C14orf39: variants seen among roughly 807,000 people sequenced by gnomAD.
C14orf39 encodes the protein chromosome 14 open reading frame 39, also known as protein SIX6OS1.
In C14orf39, 66 loss-of-function variants were observed where a neutral mutation model predicts 85.6. The observed-to-expected ratio is 0.77, with a 90% CI of 0.63 to 0.95. The LOEUF (loss-of-function observed/expected upper bound fraction) is 0.95. C14orf39 is among the 40% of genes least tolerant of loss of function. C14orf39 has a pLI of 0.00. For synonymous variants in C14orf39, 242 were observed against 214.0 expected (o/e 1.13, Z -1.14); for missense variants, 735 against 663.9 (o/e 1.11, Z -1.18).
intron 16 of C14orf39, among the ~76,000 whole-genome samples, chr14:60,447,167 C>A (rs1216879616): frequency 7.2e-5 from 11 of 152,290 alleles, no homozygotes; most frequent in Non-Finnish European, 1.6e-4. Flanking sequence ...TCACACCACT[C>A]CTGTTCAATA....
rs908118784 is a variant in C14orf39 at position 60,514,752 on chromosome 14, T to C, written c.-144+643A>G. 7.9e-5 allele frequency among the ~76,000 whole-genome samples: 12 copies of C among 152,252 alleles called. No homozygotes were observed. The East Asian group carries it at 1.7e-3, about 22-fold the overall frequency. On this transcript the variant is annotated intron_variant, in intron 1 of 5. Transcript: ENST00000556799. ...CTAATTTTAACAAAAAGGAAAAAAA[T>C]ATTGTATCCAAAGAGAATGTGAATG...
intron 11 of C14orf39, among the ~76,000 whole-genome samples, chr14:60,463,530 T>C (rs1447876155): frequency 6.6e-6 from 1 of 152,138 alleles, no homozygotes; most frequent in Non-Finnish European, 1.5e-5. Flanking sequence ...TGATAATGGT[T>C]ACACAACCTT....
chr14:60,477,183 A>G (rs930811755), intron 5 of C14orf39, among the ~76,000 whole-genome samples: 2 of 152,004 alleles, frequency 1.3e-5, no homozygotes, highest in African/African-American at 4.8e-5. Flanking sequence ...CCCTCTGCCT[A>G]CCCTCTAGAT....
chr14:60,509,195 G>A, intron 1 of C14orf39: 1 of 596,198 alleles, frequency 1.7e-6, no homozygotes, highest in Non-Finnish European at 3.0e-6. Flanking sequence ...AGCCGAGCCC[G>A]AACCCCAAGC....
intron 16 of C14orf39, among the ~76,000 whole-genome samples, chr14:60,453,347 AATG>A (rs1891123880): frequency 6.6e-6 from 1 of 151,638 alleles, no homozygotes; most frequent in Non-Finnish European, 1.5e-5. Flanking sequence ...GACTACCAGA[AATG>A]ATATTAATAT....
intron 1 of C14orf39, among the ~76,000 whole-genome samples, chr14:60,500,320 C>A (rs1364061277): frequency 6.6e-6 from 1 of 152,186 alleles, no homozygotes; most frequent in Non-Finnish European, 1.5e-5. Flanking sequence ...AGCCACCACG[C>A]CTGGCTGGGA....
At chr14:60,490,733 C>T (rs1892977854), upstream of C14orf39, among the ~76,000 whole-genome samples, 1 of 152,140 alleles carries the variant, frequency 6.6e-6, no homozygotes, top group Non-Finnish European at 1.5e-5. Context: ...GAAGCAAAAA[C>T]CAAACTCATA....
chr14:60,513,278 G>GAA (rs1893319695), intron 1 of C14orf39, among the ~76,000 whole-genome samples: 2 of 152,196 alleles, frequency 1.3e-5, no homozygotes, highest in African/African-American at 4.8e-5. Flanking sequence ...TGTGGGTCCT[G>GAA]AAAGGCTCCC....
chr14:60,444,628 A>G (rs1890675534), intron 16 of C14orf39, among the ~76,000 whole-genome samples: 1 of 152,240 alleles, frequency 6.6e-6, no homozygotes, highest in Non-Finnish European at 1.5e-5. Flanking sequence ...AACACTCTTC[A>G]GGATATTATC....
Position 60,501,564 on chromosome 14 carries a change from G to A in C14orf39, c.-143-2134C>T, listed in dbSNP as rs1387229267. 4.6e-5 allele frequency among the ~76,000 whole-genome samples: 7 copies of A among 152,298 alleles called. No individual in the cohort carries two copies. The East Asian group carries it at 1.4e-3, about 29-fold the overall frequency. On this transcript the variant is annotated intron_variant, in intron 1 of 5. Coordinates refer to the C14orf39 transcript ENST00000556799. ...TCAAACTTGTTGCCTCCAGAACTGT[G>A]AGAGAATAAATTTCTGTTGTTTTAA... is the stretch of plus-strand genomic sequence containing the variant.
chr14:60,459,706 GTTTTA>G (rs371985196), intron 13 of C14orf39, among the ~76,000 whole-genome samples: 1 of 151,602 alleles, frequency 6.6e-6, no homozygotes, highest in African/African-American at 2.4e-5. Context: ...CCTCACTGTA[GTTTTA>G]TTTTGAGTTA....
At chr14:60,472,739 A>C (rs1488153106) in intron 5 of C14orf39, among the ~76,000 whole-genome samples, 3 of 152,068 alleles carry the variant, frequency 2.0e-5, no homozygotes, top group East Asian at 1.9e-4. Context: ...TGAACTCATC[A>C]TTTTTTATGG....
chr14:60,481,831 CA>C (rs1892653204), intron 4 of C14orf39, among the ~76,000 whole-genome samples: 1 of 152,114 alleles, frequency 6.6e-6, no homozygotes, highest in Non-Finnish European at 1.5e-5. Context: ...TTAATTTCTA[CA>C]AGTACTTTAT....
At chr14:60,479,018 T>C (rs890179997) in intron 4 of C14orf39, among the ~76,000 whole-genome samples, 8 of 152,172 alleles carry the variant, frequency 5.3e-5, no homozygotes, top group Non-Finnish European at 7.4e-5. Context: ...AGTGTAAGTA[T>C]TTTTCAAATA....
intron 4 of C14orf39, among the ~76,000 whole-genome samples, chr14:60,480,161 C>G (rs1037105850): frequency 1.3e-5 from 2 of 152,202 alleles, no homozygotes; most frequent in African/African-American, 4.8e-5. Context: ...GTGGCCCACA[C>G]CTGTAATCCC....
intron 2 of C14orf39, chr14:60,499,248 C>G (rs968648579): frequency 2.3e-5 from 2 of 86,996 alleles, no homozygotes; most frequent in Non-Finnish European, 5.4e-5. Flanking sequence ...AAGAGCAAAA[C>G]TCCGTCTCAA....
At chr14:60,493,168 A>G (rs1893017358) in intron 2 of C14orf39, among the ~76,000 whole-genome samples, 1 of 152,214 alleles carries the variant, frequency 6.6e-6, no homozygotes, top group African/African-American at 2.4e-5. Context: ...AAGCAGCAAC[A>G]CACACATTGA....
upstream of C14orf39, among the ~76,000 whole-genome samples, chr14:60,489,409 G>A (rs1057487916): frequency 6.6e-6 from 1 of 152,096 alleles, no homozygotes; most frequent in Non-Finnish European, 1.5e-5. Context: ...CAACATCATG[G>A]AATAGTTATG....
At chr14:60,488,665 T>A (rs879778161), upstream of C14orf39, among the ~76,000 whole-genome samples, 1 of 152,308 alleles carries the variant, frequency 6.6e-6, no homozygotes, top group Admixed American at 6.5e-5. Context: ...GCTTAATTTA[T>A]CTAATAGGAA....
Sources: gnomAD v4.1 joint callset for allele counts (sites outside exome capture counted in the v4.1 genomes callset) on GRCh38, gnomAD v4.1.1 for gene constraint, MANE v1.5 for transcripts, NCBI Gene and HGNC (gene_info 2026-07-23, HGNC 2026-07-21) for gene names.